The following FAM227B variants were observed in gnomAD, a reference collection of about 807,000 sequenced individuals.
The protein encoded by FAM227B is family with sequence similarity 227 member B.
In FAM227B, 88 loss-of-function variants were observed where a neutral mutation model predicts 73.8. The observed-to-expected ratio is 1.19, with a 90% confidence interval of 1.00 to 1.42. The LOEUF (loss-of-function observed/expected upper bound fraction) is 1.42. FAM227B is among the 40% of genes most tolerant of loss of function. The pLI is 0.00. For missense variants in FAM227B, 632 were observed against 590.9 expected (o/e 1.07, Z -0.72); for synonymous variants, 210 against 190.5 (o/e 1.10, Z -0.84).
At chr15:49,550,300 C>T (rs1393792463) in intron 9 of FAM227B, among the ~76,000 whole-genome samples, 1 of 142,292 alleles carries the variant, frequency 7.0e-6, no homozygotes, top group African/African-American at 2.6e-5. Context: ...AGGCGCCCCT[C>T]ACCTCCCGGA....
At chr15:49,379,641 TTTTA>T (rs1211454202) in intron 11 of FAM227B, among the ~76,000 whole-genome samples, 1 of 152,222 alleles carries the variant, frequency 6.6e-6, no homozygotes, top group Non-Finnish European at 1.5e-5. Flanking sequence ...TCATTTCTAA[TTTTA>T]TTTATTTGTA....
intron 11 of FAM227B, among the ~76,000 whole-genome samples, chr15:49,436,036 T>C (rs2051072970): frequency 6.6e-6 from 1 of 151,506 alleles, no homozygotes; most frequent in African/African-American, 2.4e-5. Context: ...AAGCTTGCAA[T>C]TACACAGTTA....
chr15:49,394,411 A>G (rs907698716), intron 11 of FAM227B, among the ~76,000 whole-genome samples: 1 of 152,164 alleles, frequency 6.6e-6, no homozygotes, highest in Non-Finnish European at 1.5e-5. Flanking sequence ...GAGATTGAAG[A>G]TGGGGAGGTA....
At chr15:49,590,535 T>A (rs2076461104) in intron 3 of FAM227B, among the ~76,000 whole-genome samples, 1 of 152,218 alleles carries the variant, frequency 6.6e-6, no homozygotes, top group Admixed American at 6.5e-5. Context: ...TTTTCATTTT[T>A]TTCTAGTTTT....
chr15:49,354,975 G>A (rs1259247793), intron 13 of FAM227B, among the ~76,000 whole-genome samples: 2 of 151,684 alleles, frequency 1.3e-5, no homozygotes, highest in African/African-American at 4.9e-5. Context: ...CCCCAGCAGG[G>A]GCACACTGAC....
intron 13 of FAM227B, among the ~76,000 whole-genome samples, chr15:49,349,861 A>C (rs775929572): frequency 6.6e-6 from 1 of 152,200 alleles, no homozygotes; most frequent in Non-Finnish European, 1.5e-5. Flanking sequence ...ATAAAAAACA[A>C]AACAAAACAA....
chr15:49,447,200 C>A (rs1455104656), intron 11 of FAM227B, among the ~76,000 whole-genome samples: 1 of 151,550 alleles, frequency 6.6e-6, no homozygotes, highest in African/African-American at 2.4e-5. Flanking sequence ...TATAATCCAC[C>A]AGGCCCATTG....
At chr15:49,578,434 A>T (rs1472130339) in intron 5 of FAM227B, among the ~76,000 whole-genome samples, 1 of 151,752 alleles carries the variant, frequency 6.6e-6, no homozygotes, top group East Asian at 1.9e-4. Context: ...TATATATATA[A>T]AACATACATA....
At chr15:49,552,000 TTAGGA>T (rs762468000) in intron 9 of FAM227B, among the ~76,000 whole-genome samples, 15 of 152,242 alleles carry the variant, frequency 9.9e-5, no homozygotes, top group Non-Finnish European at 1.9e-4. Flanking sequence ...GTCTTTCTAC[TTAGGA>T]TAAGAGTAGT....
At chr15:49,459,948 G>A (rs2053646021) in intron 11 of FAM227B, among the ~76,000 whole-genome samples, 1 of 152,152 alleles carries the variant, frequency 6.6e-6, no homozygotes, top group African/African-American at 2.4e-5. Context: ...CTTCTGGAGA[G>A]TCTGTTCTTA....
intron 11 of FAM227B, among the ~76,000 whole-genome samples, chr15:49,480,597 T>C (rs1033843693): frequency 6.6e-6 from 1 of 151,884 alleles, no homozygotes; most frequent in Non-Finnish European, 1.5e-5. Flanking sequence ...TTCTCCTGCT[T>C]CAGCCTCCTG....
intron 11 of FAM227B, among the ~76,000 whole-genome samples, chr15:49,429,622 A>G (rs1461028778): frequency 1.3e-5 from 2 of 151,906 alleles, no homozygotes; most frequent in East Asian, 1.9e-4. Context: ...ACATTTTTCT[A>G]TCTCTCAACC....
intron 11 of FAM227B, among the ~76,000 whole-genome samples, chr15:49,435,586 C>T (rs913608832): frequency 1.3e-5 from 2 of 151,538 alleles, no homozygotes; most frequent in African/African-American, 2.4e-5. Context: ...TTAACAGGCA[C>T]ACAGAAGTGC....
intron 11 of FAM227B, among the ~76,000 whole-genome samples, chr15:49,473,585 T>G (rs1479580521): frequency 1.3e-5 from 2 of 152,122 alleles, no homozygotes; most frequent in Admixed American, 6.5e-5. Flanking sequence ...GGAGTTGGTC[T>G]CACGTTTTGG....
At chr15:49,397,809 TCA>T (rs1457536257) in intron 11 of FAM227B, among the ~76,000 whole-genome samples, 1 of 152,118 alleles carries the variant, frequency 6.6e-6, no homozygotes, top group African/African-American at 2.4e-5. Context: ...AGACATTTTG[TCA>T]CCACCAGGCC....
At chr15:49,360,497 T>C (rs918598565) in intron 13 of FAM227B, among the ~76,000 whole-genome samples, 1 of 152,220 alleles carries the variant, frequency 6.6e-6, no homozygotes, top group African/African-American at 2.4e-5. Context: ...GTTAAAAAAA[T>C]TATTAAATTT....
rs190968739 is a variant in FAM227B at position 49,598,247 on chromosome 15, C to T, written c.106-8240G>A. On this transcript the variant is annotated intron_variant, in intron 3 of 15. Coordinates refer to ENST00000299338, the MANE Select transcript of FAM227B (RefSeq NM_152647.3). Reference sequence around the variant, plus strand: ...ATGTTATTGTAAAAGAGATTGTTTTCTTGATTTCTTTAATAGTTAATTGCT... The same window carrying T: ...ATGTTATTGTAAAAGAGATTGTTTTTTTGATTTCTTTAATAGTTAATTGCT... 1.4e-3 allele frequency among the ~76,000 whole-genome samples: 219 copies of T among 151,940 alleles called. 1 individual carries two copies. Among genetic ancestry groups the T allele is most frequent in the African/African-American group, 4.9e-3 (204 of 41,494 alleles).
Position 49,327,017 on chromosome 15 carries a change from T to TAAG in FAM227B, c.*1548_*1550dup, listed in dbSNP as rs886113490. 6.6e-6 allele frequency: 1 copy of TAAG among 152,164 alleles called. No individual in the cohort carries two copies. The highest frequency in any genetic ancestry group is 2.1e-4 in the South Asian group (1 of 4,832). 9.4% of individuals were successfully genotyped at this position (152,164 alleles called of 1,614,324 possible). ...ACTAGTAATTTGGAGTGAATTTTAT[T>TAAG]AAGAAGAATTAATTGTAAGTACATG... On this transcript the variant is annotated 3_prime_UTR_variant, in exon 16 of 16. Transcript: ENST00000299338.
rs2046389291 is a variant in FAM227B at position 49,379,591 on chromosome 15, C to T, written c.1013-8192G>A. ...TTTGCTCACAGTAGCCACTGATGAT[C>T]CTTTCAGTTTCTGTGGTATCAGTTG... On this transcript the variant is annotated intron_variant, in intron 11 of 15. Coordinates refer to ENST00000299338, the MANE Select transcript of FAM227B (RefSeq NM_152647.3). Among the ~76,000 whole-genome samples the T allele has an allele frequency of 2.0e-5, 3 of 152,146 alleles. No individual in the cohort carries two copies. In the South Asian group the frequency reaches 6.2e-4, roughly 32 times the overall value.
Sources: allele counts gnomAD v4.1 joint callset (sites outside exome capture counted in the v4.1 genomes callset), GRCh38; gene constraint gnomAD v4.1.1; transcripts MANE v1.5; gene names NCBI Gene and HGNC (gene_info 2026-07-23, HGNC 2026-07-21).